TBC1D9: variants seen among roughly 807,000 people sequenced by gnomAD.
TBC1D9 encodes the protein TBC1 domain family member 9, also known as TBC1 domain family member 9A.
A neutral mutation model predicts 132.0 loss-of-function variants in TBC1D9; 63 were observed. The ratio of observed to expected loss-of-function variants is 0.48; its 90% CI spans 0.39 to 0.59. The LOEUF (loss-of-function observed/expected upper bound fraction) is 0.59. Ranked by LOEUF, TBC1D9 falls within the 20% of genes least tolerant of loss-of-function variation. The pLI, the probability that TBC1D9 is intolerant of heterozygous loss-of-function variation, is 0.00. For missense variants in TBC1D9, 1,261 were observed against 1,592.7 expected (o/e 0.79, Z 3.54); for synonymous variants, 610 against 609.9 (o/e 1.00, Z 0.00).
At chr4:140,633,816 C>A (rs1736834289) in intron 16 of TBC1D9, 132 bp downstream of exon 16, 2 of 1,092,880 alleles carry the variant, frequency 1.8e-6, no homozygotes, top group East Asian at 2.5e-5. Context: ...ATACTATGTT[C>A]ATGAAAAACA....
At chr4:140,751,599 C>T (rs1326922128) in intron 1 of TBC1D9, among the ~76,000 whole-genome samples, 1 of 152,078 alleles carries the variant, frequency 6.6e-6, no homozygotes, top group African/African-American at 2.4e-5. Context: ...GGTATCTAAA[C>T]AGGACTTAAG....
At chr4:140,755,682 T>C (rs1293956199) in intron 1 of TBC1D9, among the ~76,000 whole-genome samples, 1 of 152,072 alleles carries the variant, frequency 6.6e-6, no homozygotes, top group Non-Finnish European at 1.5e-5. Flanking sequence ...CCTCAACATA[T>C]CCACTTAAAG....
intron 1 of TBC1D9, among the ~76,000 whole-genome samples, chr4:140,723,018 T>C (rs1254669004): frequency 6.6e-6 from 1 of 152,234 alleles, no homozygotes; most frequent in Non-Finnish European, 1.5e-5. Context: ...TCTTAGGCTA[T>C]CAAATGACAT....
Position 140,754,614 on chromosome 4 carries a change from C to CAAAAAAAAAAAA in TBC1D9, c.130+1290_130+1301dup, listed in dbSNP as rs34471976. Among the ~76,000 whole-genome samples, 2 of 23,264 alleles carry CAAAAAAAAAAAA rather than the reference C, an allele frequency of 8.6e-5. 1 individual carries two copies. Among genetic ancestry groups the CAAAAAAAAAAAA allele is most frequent in the African/African-American group, 3.9e-4 (2 of 5,134 alleles). 15.3% of individuals were successfully genotyped at this position (23,264 alleles called of 152,430 possible). A position where few individuals can be genotyped will look rare whatever the true frequency, so the allele number is the denominator to read the frequency against. ...TGGGCGACAAAGCAGGACTCTGTCT[C>CAAAAAAAAAAAA]AAAAAAAAAAAAAAAAAAAAAAAAA... is the stretch of plus-strand genomic sequence containing the variant. On this transcript the variant is annotated intron_variant, in intron 1 of 20. Transcript: ENST00000442267.
chr4:140,729,543 T>A (rs866268140), intron 1 of TBC1D9, among the ~76,000 whole-genome samples: 6 of 152,122 alleles, frequency 3.9e-5, no homozygotes, highest in African/African-American at 1.4e-4. Context: ...AGGGTTTTTC[T>A]CCCTTGCCAT....
chr4:140,639,267 A>G, intron 14 of TBC1D9, 63 bp downstream of exon 14: 1 of 1,483,456 alleles, frequency 6.7e-7, no homozygotes, highest in Non-Finnish European at 9.3e-7. Flanking sequence ...AGGAATCCAC[A>G]GCCAGCAGGA....
intron 9 of TBC1D9, among the ~76,000 whole-genome samples, chr4:140,662,421 T>C (rs1737376777): frequency 6.6e-6 from 1 of 152,044 alleles, no homozygotes; most frequent in Non-Finnish European, 1.5e-5. Flanking sequence ...GGAGCACAGG[T>C]GGGGAGGTCA....
At position 140,657,018 on chromosome 4, in the gene TBC1D9, T is replaced by C; in HGVS notation, c.2337+79A>G. On this transcript the variant is annotated intron_variant, in intron 13 of 20. Coordinates refer to ENST00000442267, the MANE Select transcript of TBC1D9 (RefSeq NM_015130.3). ...TCTTTGCCCAGTCTGTGGTATTCTG[T>C]TATAGCAGCACAAAACAGGCAGCAG... 4 of 1,524,100 alleles carry C rather than the reference T, an allele frequency of 2.6e-6. No individual in the cohort carries two copies. In the South Asian group the frequency reaches 4.9e-5, roughly 19 times the overall value. 94.4% of individuals were successfully genotyped at this position (1,524,100 alleles called of 1,614,324 possible).
chr4:140,705,512 ATGTGTGTGTGTGTG>A (rs139885350), intron 1 of TBC1D9, among the ~76,000 whole-genome samples: 2 of 142,088 alleles, frequency 1.4e-5, no homozygotes, highest in East Asian at 2.0e-4. Flanking sequence ...GGGTGTGTGC[ATGTGTGTGTGTGTG>A]TGTGTGTGTG....
At chr4:140,709,219 A>ATCTCTCTCTCTCTCTCTC (rs145661338) in intron 1 of TBC1D9, among the ~76,000 whole-genome samples, 1 of 88,168 alleles carries the variant, frequency 1.1e-5, no homozygotes. Flanking sequence ...AACCAGCCTT[A>ATCTCTCTCTCTCTCTCTC]TCTCTCTCTC....
Position 140,677,066 on chromosome 4 carries a change from C to T in TBC1D9, c.887G>A (p.Arg296His), listed in dbSNP as rs1168096809. Reference protein sequence around the residue: ...LDARAKSERYRALFRLPKDEK... With the variant: ...LDARAKSERYHALFRLPKDEK... ...ATCTTTGGGCAGCCGGAAAAGTGCA[C>T]GGTATCTCTCACTCTTTGCCCTGGC... Residue 296 changes from arginine to histidine, a missense_variant, in exon 6 of 21, where the codon CGT becomes CAT. By Grantham distance (29) the Arg-to-His change is conservative. Transcript: ENST00000442267. 5.0e-6 allele frequency: 8 copies of T among 1,613,850 alleles called. No individual in the cohort carries two copies. Among genetic ancestry groups the T allele is most frequent in the Non-Finnish European group, 6.8e-6 (8 of 1,179,836 alleles).
At chr4:140,687,343 C>CATATAT (rs200090051) in intron 2 of TBC1D9, among the ~76,000 whole-genome samples, 395 of 37,502 alleles carry the variant, frequency 0.011, 26 homozygotes, top group Non-Finnish European at 0.018. Context: ...GTGTGTGTGT[C>CATATAT]ATATATATAT....
At chr4:140,751,157 A>G (rs1738917627) in intron 1 of TBC1D9, among the ~76,000 whole-genome samples, 1 of 152,178 alleles carries the variant, frequency 6.6e-6, no homozygotes, top group Non-Finnish European at 1.5e-5. Flanking sequence ...TACCTATGTA[A>G]CAAACCTGTG....
At position 140,716,519 on chromosome 4, in the gene TBC1D9, T is replaced by G. The variant is rs1369220386; in HGVS notation, c.131-14905A>C. Among the ~76,000 whole-genome samples, 5 of 151,984 alleles carry G rather than the reference T, an allele frequency of 3.3e-5. No individual in the cohort carries two copies. In the East Asian group the frequency reaches 9.7e-4, roughly 29 times the overall value. On this transcript the variant is annotated intron_variant, in intron 1 of 20. Coordinates refer to ENST00000442267, the MANE Select transcript of TBC1D9 (RefSeq NM_015130.3). The stretch of plus-strand genomic sequence containing the variant: ...AAGAAAAAAAAATATCAATAATGGA[T>G]GAGAAGAAATCATCATTGGCAATAA...
intron 13 of TBC1D9, chr4:140,643,001 C>T (rs993765719): frequency 6.6e-6 from 5 of 752,054 alleles, no homozygotes; most frequent in Admixed American, 2.8e-5. Flanking sequence ...AGTCCAGTTC[C>T]AGGACGTCCA....
chr4:140,661,510 C>A (rs933702816), intron 10 of TBC1D9, among the ~76,000 whole-genome samples: 3 of 152,278 alleles, frequency 2.0e-5, no homozygotes, highest in African/African-American at 7.2e-5. Context: ...AGACAGTGAT[C>A]AGAAGGATCT....
intron 16 of TBC1D9, among the ~76,000 whole-genome samples, chr4:140,632,328 A>G (rs945446885): frequency 2.0e-5 from 3 of 151,600 alleles, no homozygotes; most frequent in East Asian, 3.9e-4. Flanking sequence ...CCCTGGAAGT[A>G]AAGAAGATTA....
Position 140,659,639 on chromosome 4 carries a change from C to T in TBC1D9, c.1870G>A (p.Val624Met), listed in dbSNP as rs1242917608. ...GGGAGCATGCGCTCACACAAAGCCA[C>T]AAGCAGCCAGAAAGCTTCCTCCTCT... The part of the protein sequence containing the change: ...AKEEEAFWLL[V>M]ALCERMLPDY... The change falls in exon 11 of 21, where the codon GTG becomes ATG. Residue 624 changes from valine to methionine, a missense_variant. By Grantham distance (21) the Val-to-Met change is conservative (BLOSUM62 1). Around this residue, in one of 3 missense-constraint regions of TBC1D9, gnomAD observed 93 missense variants for 169.2 expected, o/e 0.55. Coordinates refer to ENST00000442267, the MANE Select transcript of TBC1D9 (RefSeq NM_015130.3). 1.2e-6 allele frequency: 2 copies of T among 1,607,664 alleles called. No individual in the cohort carries two copies. Among genetic ancestry groups the T allele is most frequent in the Non-Finnish European group, 8.5e-7 (1 of 1,177,164 alleles).
intron 1 of TBC1D9, among the ~76,000 whole-genome samples, chr4:140,711,009 G>C (rs923308): frequency 6.6e-6 from 1 of 152,094 alleles, no homozygotes; most frequent in Non-Finnish European, 1.5e-5. Context: ...CTTTCCCCAC[G>C]AACAAGCTTG....
Sources: gnomAD v4.1 joint callset for allele counts (sites outside exome capture counted in the v4.1 genomes callset) on GRCh38, gnomAD v4.1.1 for gene constraint, gnomAD v4.1.1 regional missense constraint, MANE v1.5 for transcripts, NCBI Gene and HGNC (gene_info 2026-07-23, HGNC 2026-07-21) for gene names.